The following PLD1 variants were observed in gnomAD, a reference collection of about 807,000 sequenced individuals.
The protein encoded by PLD1 is choline phosphatase 1.
PLD1 carries 112 observed loss-of-function variants against 137.1 expected under a neutral mutation model. The ratio of observed to expected loss-of-function variants is 0.82; its 90% CI spans 0.70 to 0.96. PLD1 has a LOEUF of 0.96. PLD1 is among the 40% of genes least tolerant of loss of function. PLD1 has a pLI of 0.00. For missense variants in PLD1, 1,321 were observed against 1,342.0 expected (o/e 0.98, Z 0.24); for synonymous variants, 431 against 454.7 (o/e 0.95, Z 0.66).
At chr3:171,665,862 C>T (rs1050332962) in intron 19 of PLD1, among the ~76,000 whole-genome samples, 1 of 152,238 alleles carries the variant, frequency 6.6e-6, no homozygotes, top group African/African-American at 2.4e-5. Context: ...TGAGTCCAAG[C>T]CCCGTATCCT....
At chr3:171,720,569 C>G (rs1367714985) in intron 8 of PLD1, among the ~76,000 whole-genome samples, 1 of 146,356 alleles carries the variant, frequency 6.8e-6, no homozygotes, top group Non-Finnish European at 1.5e-5. Context: ...GGCGACAGAG[C>G]AAGACTCCGT....
intron 13 of PLD1, among the ~76,000 whole-genome samples, chr3:171,689,201 T>TA (rs1049059065): frequency 6.6e-6 from 1 of 151,814 alleles, no homozygotes; most frequent in Admixed American, 6.6e-5. Context: ...AGGATTATGT[T>TA]AAATCTGGTA....
At position 171,668,640 on chromosome 3, in the gene PLD1, T is replaced by C. The variant is rs1712410178; in HGVS notation, c.2229+5860A>G. Reference sequence around the variant, plus strand: ...CCCTCCCTTCCTTCTTTCCTTCTTTTCCCATAAGTAGGACTGAAGACATTA... The same window carrying C: ...CCCTCCCTTCCTTCTTTCCTTCTTTCCCCATAAGTAGGACTGAAGACATTA... On this transcript the variant is annotated intron_variant, in intron 19 of 26. Coordinates refer to ENST00000351298, the MANE Select transcript of PLD1 (RefSeq NM_002662.5). Among the ~76,000 whole-genome samples the C allele has an allele frequency of 5.9e-5, 9 of 152,168 alleles. No homozygotes were observed. The South Asian group carries it at 1.9e-3, about 32-fold the overall frequency.
intron 21 of PLD1, 25 bp from the exon 22 acceptor site, chr3:171,645,048 T>C (rs1303330861): frequency 6.9e-7 from 1 of 1,451,320 alleles, no homozygotes; most frequent in Admixed American, 1.7e-5. Flanking sequence ...TGCAGAGAAA[T>C]TCACCCAAAA....
intron 1 of PLD1, among the ~76,000 whole-genome samples, chr3:171,743,084 G>A (rs1719897142): frequency 2.0e-5 from 3 of 152,044 alleles, no homozygotes; most frequent in African/African-American, 4.8e-5. Context: ...TGTAACCTGG[G>A]CAACTACCAG....
intron 18 of PLD1, among the ~76,000 whole-genome samples, chr3:171,676,071 A>T (rs146914151): frequency 0.033 from 5,038 of 152,108 alleles, 303 homozygotes; most frequent in African/African-American, 0.12. Flanking sequence ...CGAACTCCTG[A>T]CCTCAGGTGA....
intron 24 of PLD1, among the ~76,000 whole-genome samples, chr3:171,617,286 C>G (rs1271619385): frequency 3.9e-5 from 6 of 152,264 alleles, no homozygotes; most frequent in Non-Finnish European, 8.8e-5. Flanking sequence ...AGCCTCTCAT[C>G]TGCCACAGTG....
intron 14 of PLD1, among the ~76,000 whole-genome samples, chr3:171,687,989 G>A (rs1294820123): frequency 6.6e-6 from 1 of 152,096 alleles, no homozygotes; most frequent in African/African-American, 2.4e-5. Flanking sequence ...CATAAGTTTT[G>A]CACTATTTTC....
At chr3:171,775,001 G>A (rs922492765) in intron 1 of PLD1, among the ~76,000 whole-genome samples, 1 of 152,192 alleles carries the variant, frequency 6.6e-6, no homozygotes, top group African/African-American at 2.4e-5. Flanking sequence ...CTGCAGCTGG[G>A]GGACAGTGGG....
intron 9 of PLD1, among the ~76,000 whole-genome samples, chr3:171,712,259 G>T (rs559348365): frequency 2.0e-5 from 3 of 152,312 alleles, no homozygotes; most frequent in South Asian, 4.1e-4. Context: ...GAGCTGAGAG[G>T]AGTGAAGCAT....
rs1179293589 is a variant in PLD1 at position 171,659,493 on chromosome 3, G to A, written c.2341-192C>T. Among the ~76,000 whole-genome samples the A allele has an allele frequency of 2.0e-5, 3 of 152,142 alleles. No individual in the cohort carries two copies. In the East Asian group the frequency reaches 5.8e-4, roughly 29 times the overall value. On this transcript the variant is annotated intron_variant, in intron 20 of 26. Transcript: ENST00000351298. The stretch of plus-strand genomic sequence containing the variant: ...CACTCAGGGTCTCATCTGATTCCAG[G>A]TCATATCACCTGTAACACTTAATCA...
chr3:171,652,998 A>C (rs1736914726), intron 21 of PLD1, among the ~76,000 whole-genome samples: 1 of 152,112 alleles, frequency 6.6e-6, no homozygotes, highest in Admixed American at 6.5e-5. Context: ...ACATCCCTTG[A>C]AATGGGGGAA....
chr3:171,636,887 A>G (rs1307992039), intron 23 of PLD1, among the ~76,000 whole-genome samples: 2 of 152,102 alleles, frequency 1.3e-5, no homozygotes, highest in Non-Finnish European at 2.9e-5. Flanking sequence ...ATGTCAGCTT[A>G]TATGTGACAT....
chr3:171,764,925 GAAAGAAAGGAAAGA>G lies in PLD1; in HGVS notation c.-31-26857_-31-26844del, dbSNP rs1560289184. ...GAAGGAAGGAAGGAAAGAAAGAAAG[GAAAGAAAGGAAAGA>G]AAGAAAGAAAGAAAGAAAGAAAGAA... is the stretch of plus-strand genomic sequence containing the variant. On this transcript the variant is annotated intron_variant, in intron 1 of 26. Transcript: ENST00000351298. Among the ~76,000 whole-genome samples, 25 of 28,070 alleles carry G rather than the reference GAAAGAAAGGAAAGA, an allele frequency of 8.9e-4. 3 individuals are homozygous for G. The highest frequency in any genetic ancestry group is 3.6e-3 in the African/African-American group (25 of 6,950). The allele number at this position is 28,070 out of a possible 152,430, so 18.4% of individuals were successfully genotyped here. A position where few individuals can be genotyped will look rare whatever the true frequency, so the allele number is the denominator to read the frequency against.
chr3:171,799,946 G>C lies in PLD1; in HGVS notation c.-32+10453C>G, dbSNP rs995551853. ...GTCTGAGCAACCATGATAACCAAGGGAGCCCAAGGAGACACAACTATGAAA... is the reference window on the plus strand; with the variant it reads ...GTCTGAGCAACCATGATAACCAAGGCAGCCCAAGGAGACACAACTATGAAA... On this transcript the variant is annotated intron_variant, in intron 1 of 26. Transcript: ENST00000351298. Among the ~76,000 whole-genome samples, 4 of 152,212 alleles carry C rather than the reference G, an allele frequency of 2.6e-5. No homozygotes were observed. In the East Asian group the frequency reaches 7.7e-4, roughly 29 times the overall value.
At chr3:171,793,385 A>G (rs1421591815) in intron 1 of PLD1, 1 of 152,244 alleles carries the variant, frequency 6.6e-6, no homozygotes, top group Admixed American at 6.5e-5. Flanking sequence ...AATAAATTAT[A>G]TTAAAGCAAA....
chr3:171,703,860 G>C (rs945938804), intron 11 of PLD1, among the ~76,000 whole-genome samples: 3 of 152,142 alleles, frequency 2.0e-5, no homozygotes, highest in Non-Finnish European at 4.4e-5. Context: ...GTAGTGACAG[G>C]GTTGCAGTGG....
chr3:171,773,024 T>C (rs1479708978), intron 1 of PLD1, among the ~76,000 whole-genome samples: 4 of 152,096 alleles, frequency 2.6e-5, no homozygotes, highest in Non-Finnish European at 5.9e-5. Context: ...TATGAATAAA[T>C]CCCCAACTCA....
chr3:171,698,174 C>T (rs1030267003), intron 12 of PLD1, among the ~76,000 whole-genome samples: 2 of 152,208 alleles, frequency 1.3e-5, no homozygotes, highest in African/African-American at 4.8e-5. Context: ...GAGCCCAAGA[C>T]ATGAGTCCCT....
Sources: gnomAD v4.1 joint callset for allele counts (sites outside exome capture counted in the v4.1 genomes callset) on GRCh38, gnomAD v4.1.1 for gene constraint, MANE v1.5 for transcripts, NCBI Gene and HGNC (gene_info 2026-07-23, HGNC 2026-07-21) for gene names.